KLHL13: variants seen among roughly 807,000 people sequenced by gnomAD.
KLHL13 encodes the protein kelch like family member 13, also known as kelch-like protein 13.
KLHL13 carries 10 observed loss-of-function variants against 37.1 expected under a neutral mutation model. The observed-to-expected ratio is 0.27, with a 90% CI of 0.17 to 0.46. KLHL13 has a LOEUF of 0.46. KLHL13 is among the 20% of genes least tolerant of loss of function. The probability of loss-of-function intolerance (pLI) is 1.00; values close to 1 mark genes in which losing one functional copy is unlikely to be tolerated. For missense variants in KLHL13, 360 were observed against 509.3 expected, an observed-to-expected ratio of 0.71 and a Z score of 2.82; for synonymous variants, 163 against 181.2, an observed-to-expected ratio of 0.90 and a Z score of 0.81.
At position 118,047,486 on chromosome X, in the gene KLHL13, T is replaced by C. The variant is rs189205970; in HGVS notation, c.-56+69022A>G. ...ACAAATTAGTGAAAACAATAACATA[T>C]AATGGTAAAATAAGGAAATAATATA... On this transcript the variant is annotated intron_variant, in intron 1 of 6. Transcript: ENST00000371882. Among the ~76,000 whole-genome samples, 4 of 111,958 alleles carry C rather than the reference T, an allele frequency of 3.6e-5. No homozygotes were observed. In the East Asian group the frequency reaches 1.1e-3, roughly 31 times the overall value.
intron 1 of KLHL13, among the ~76,000 whole-genome samples, chrX:118,095,931 G>C (rs1308405195): frequency 2.1e-4 from 24 of 112,171 alleles, no homozygotes; most frequent in Non-Finnish European, 1.3e-4. Context: ...TCAAAGCAGT[G>C]TGTAGAGGGA....
chrX:118,007,370 CAAAAAAAAAAAA>C lies in KLHL13; in HGVS notation c.-55-61807_-55-61796del, dbSNP rs57382655. Among the ~76,000 whole-genome samples, 10 of 46,592 alleles carry C rather than the reference CAAAAAAAAAAAA, an allele frequency of 2.1e-4. No homozygotes were observed. The East Asian group carries it at 3.7e-3, about 17-fold the overall frequency. 40.5% of individuals were successfully genotyped at this position (46,592 alleles called of 115,157 possible). ...CCTGGGCAACAGAAGGAGACCCTGTCAAAAAAAAAAAAAAAAAAAAAAAGAGAGAGAGACCTG... is the reference window on the plus strand; with the variant it reads ...CCTGGGCAACAGAAGGAGACCCTGTCAAAAAAAAAAAGAGAGAGAGACCTG... On this transcript the variant is annotated intron_variant, in intron 1 of 6. Transcript: ENST00000371882.
chrX:118,010,037 G>C (rs1203871217), intron 1 of KLHL13, among the ~76,000 whole-genome samples: 1 of 109,708 alleles, frequency 9.1e-6, no homozygotes, highest in Non-Finnish European at 1.9e-5. Context: ...AAACCACTAT[G>C]AGATACCATC....
Position 118,026,305 on chromosome X carries a change from A to C in KLHL13, c.-55-80730T>G, listed in dbSNP as rs768479436. Among the ~76,000 whole-genome samples the C allele has an allele frequency of 1.1e-4, 12 of 112,130 alleles. No individual in the cohort carries two copies. The South Asian group carries it at 4.5e-3, about 42-fold the overall frequency. ...TGAATAATATGAGGGATCTTCAAAA[A>C]GTTCATGCAAAATGTGTATTTTGAA... On this transcript the variant is annotated intron_variant, in intron 1 of 6. Coordinates refer to the KLHL13 transcript ENST00000371882.
At chrX:118,079,317 A>C (rs1569310868) in intron 1 of KLHL13, among the ~76,000 whole-genome samples, 1 of 110,941 alleles carries the variant, frequency 9.0e-6, no homozygotes, top group Non-Finnish European at 1.9e-5. Flanking sequence ...GAATGAAAAA[A>C]AGGTAACCAA....
intron 1 of KLHL13, among the ~76,000 whole-genome samples, chrX:118,092,792 A>G (rs779685264): frequency 1.1e-4 from 12 of 111,697 alleles, no homozygotes; most frequent in Non-Finnish European, 1.9e-4. Context: ...CATTGTACCA[A>G]TATCAATTTC....
intron 1 of KLHL13, among the ~76,000 whole-genome samples, chrX:117,962,898 G>C (rs2053328207): frequency 8.9e-6 from 1 of 111,899 alleles, no homozygotes; most frequent in African/African-American, 3.2e-5. Flanking sequence ...AAAATAGTGA[G>C]AGGATGTACA....
At chrX:118,027,129 T>C (rs2054282854) in intron 1 of KLHL13, among the ~76,000 whole-genome samples, 1 of 111,782 alleles carries the variant, frequency 8.9e-6, no homozygotes, top group Non-Finnish European at 1.9e-5. Context: ...CAAAGGACTA[T>C]ATCATCTGTT....
chrX:117,965,367 T>A (rs1318008880), intron 1 of KLHL13, among the ~76,000 whole-genome samples: 1 of 112,185 alleles, frequency 8.9e-6, no homozygotes, highest in East Asian at 2.8e-4. Flanking sequence ...CATGTGTCTT[T>A]TGGCTGCATA....
At chrX:117,966,933 G>A (rs1193398703) in intron 1 of KLHL13, among the ~76,000 whole-genome samples, 1 of 111,935 alleles carries the variant, frequency 8.9e-6, no homozygotes, top group Non-Finnish European at 1.9e-5. Context: ...AGACTTAAAT[G>A]TTAGACCTAA....
At chrX:118,023,618 G>T in intron 1 of KLHL13, among the ~76,000 whole-genome samples, 1 of 111,303 alleles carries the variant, frequency 9.0e-6, no homozygotes, top group Non-Finnish European at 1.9e-5. Flanking sequence ...ACCCAGGCTG[G>T]AAGGCAGTGG....
chrX:117,924,410 C>T (rs1931895106), intron 2 of KLHL13, among the ~76,000 whole-genome samples: 2 of 112,040 alleles, frequency 1.8e-5, no homozygotes, highest in African/African-American at 6.5e-5. Flanking sequence ...TTTGCTTTCA[C>T]TCATAAATCT....
At chrX:118,006,548 A>T (rs1260386195) in intron 1 of KLHL13, among the ~76,000 whole-genome samples, 1 of 111,854 alleles carries the variant, frequency 8.9e-6, no homozygotes, top group African/African-American at 3.2e-5. Flanking sequence ...GTAGTATGTT[A>T]TTTGTGGAGC....
chrX:118,037,515 A>G (rs2054461616), intron 1 of KLHL13, among the ~76,000 whole-genome samples: 1 of 103,373 alleles, frequency 9.7e-6, no homozygotes, highest in Admixed American at 1.1e-4. Flanking sequence ...AACACCGCTT[A>G]TTCTCACTCA....
chrX:117,950,747 T>A (rs1358353132), intron 1 of KLHL13, among the ~76,000 whole-genome samples: 1 of 112,471 alleles, frequency 8.9e-6, no homozygotes, highest in Non-Finnish European at 1.9e-5. Context: ...ACTCACAATT[T>A]AAAAAGAAAA....
At chrX:117,998,975 C>T (rs1020256188) in intron 1 of KLHL13, among the ~76,000 whole-genome samples, 1 of 110,517 alleles carries the variant, frequency 9.0e-6, no homozygotes, top group Non-Finnish European at 1.9e-5. Flanking sequence ...TATAATTATT[C>T]CTCAAAATTA....
chrX:118,103,323 C>T (rs1463158212), intron 1 of KLHL13, among the ~76,000 whole-genome samples: 1 of 111,584 alleles, frequency 9.0e-6, no homozygotes, highest in Non-Finnish European at 1.9e-5. Flanking sequence ...ACACCTTTTG[C>T]CATACATGGC....
intron 1 of KLHL13, among the ~76,000 whole-genome samples, chrX:117,965,208 T>C (rs747497318): frequency 9.0e-6 from 1 of 111,460 alleles, no homozygotes; most frequent in Non-Finnish European, 1.9e-5. Flanking sequence ...CCACCAACAG[T>C]GTAAAAGTGT....
chrX:117,904,510 C>T (rs181134586), intron 5 of KLHL13, among the ~76,000 whole-genome samples: 1 of 111,375 alleles, frequency 9.0e-6, no homozygotes, highest in Non-Finnish European at 1.9e-5. Flanking sequence ...AAATCTAGAG[C>T]AGGTGGCAGC....
Sources: allele counts gnomAD v4.1 joint callset (sites outside exome capture counted in the v4.1 genomes callset), GRCh38; gene constraint gnomAD v4.1.1; transcripts MANE v1.5; gene names NCBI Gene and HGNC (gene_info 2026-07-23, HGNC 2026-07-21).